MGA: variants seen among roughly 807,000 people sequenced by gnomAD.
MGA encodes MAX gene-associated protein.
Under a neutral mutation model 261.1 loss-of-function variants are expected in MGA, and 40 were observed. The observed-to-expected ratio is 0.15, with a 90% CI of 0.12 to 0.20. MGA has a LOEUF of 0.20. Ranked by LOEUF, MGA falls within the 10% of genes least tolerant of loss-of-function variation. The pLI is 1.00. For synonymous variants in MGA, 1,302 were observed against 1,290.6 expected (o/e 1.01, Z -0.19); for missense variants, 3,397 against 3,630.5 (o/e 0.94, Z 1.65).
At chr15:41,666,748 T>G (rs1364679896) in intron 1 of MGA, among the ~76,000 whole-genome samples, 4 of 152,262 alleles carry the variant, frequency 2.6e-5, no homozygotes, top group Non-Finnish European at 5.9e-5. Flanking sequence ...TGTCATCATT[T>G]GTTTTACCAT....
chr15:41,703,867 G>C (rs796587897), intron 5 of MGA, among the ~76,000 whole-genome samples: 9 of 152,364 alleles, frequency 5.9e-5, no homozygotes, highest in African/African-American at 2.2e-4. Context: ...CTATAGTGCA[G>C]TGATGTGAAC....
chr15:41,631,912 G>GT (rs772270437), intron 1 of MGA, among the ~76,000 whole-genome samples: 10 of 151,774 alleles, frequency 6.6e-5, no homozygotes, highest in Non-Finnish European at 1.0e-4. Context: ...GGCAAGTGTT[G>GT]TTTTTTTAGC....
In MGA at chr15:41,696,601, A is replaced by C. The variant is rs1268486571; in HGVS notation, c.1591A>C (p.Arg531=). Reference sequence around the variant, plus strand: ...AGGCAAGGAATCAGAAAATGGTCTTAGAAAACATTCACCAGATCTCAGAGT... The same window carrying C: ...AGGCAAGGAATCAGAAAATGGTCTTCGAAAACATTCACCAGATCTCAGAGT... The change falls in exon 3 of 24, where the codon AGA becomes CGA. Residue 531 remains arginine, a synonymous_variant. Coordinates refer to ENST00000219905, the MANE Select transcript of MGA (RefSeq NM_001164273.2). 1.2e-6 allele frequency: 2 copies of C among 1,613,952 alleles called. No individual in the cohort carries two copies. The highest frequency in any genetic ancestry group is 2.2e-5 in the South Asian group (2 of 91,080).
intron 9 of MGA, among the ~76,000 whole-genome samples, chr15:41,720,527 G>A (rs143580192): frequency 1.3e-5 from 2 of 151,916 alleles, no homozygotes; most frequent in African/African-American, 4.8e-5. Flanking sequence ...AGAGTGAGAT[G>A]TTGTCTCAAA....
Position 41,625,796 on chromosome 15 carries a change from T to G in MGA, c.-68+4498T>G, listed in dbSNP as rs549449718. Among the ~76,000 whole-genome samples the G allele has an allele frequency of 2.0e-5, 3 of 152,276 alleles. No homozygotes were observed. In the East Asian group the frequency reaches 5.8e-4, roughly 29 times the overall value. On this transcript the variant is annotated intron_variant, in intron 1 of 8. Coordinates refer to the MGA transcript ENST00000566718. ...TTGTACCTGGTAAACATGATATAGA[T>G]CTCTATTAATGACTTGGAAAGCATG...
At chr15:41,636,862 A>G (rs1312795468) in intron 1 of MGA, among the ~76,000 whole-genome samples, 3 of 152,040 alleles carry the variant, frequency 2.0e-5, no homozygotes, top group African/African-American at 4.8e-5. Context: ...GTGGTGTTTT[A>G]TATCAGGGAT....
chr15:41,672,303 A>G lies in MGA; in HGVS notation c.1064+2345A>G, dbSNP rs1351997623. ...TGAATAGCTGGGACTACAGGCATGC[A>G]CCACCATCCCTGGCTAATTTTTTGT... On this transcript the variant is annotated intron_variant, in intron 2 of 23. Transcript: ENST00000219905. Among the ~76,000 whole-genome samples the G allele has an allele frequency of 2.0e-5, 3 of 152,214 alleles. No homozygotes were observed. In the East Asian group the frequency reaches 5.8e-4, roughly 29 times the overall value.
chr15:41,709,415 G>A (rs887752042), intron 7 of MGA, among the ~76,000 whole-genome samples: 2 of 152,006 alleles, frequency 1.3e-5, no homozygotes, highest in African/African-American at 2.4e-5. Context: ...TTTCTCTAAT[G>A]TTTTGTATCA....
chr15:41,729,366 A>T lies in MGA; in HGVS notation c.3843+17A>T. 3 of 1,593,898 alleles carry T rather than the reference A, an allele frequency of 1.9e-6. No individual in the cohort carries two copies. Among genetic ancestry groups the T allele is most frequent in the Non-Finnish European group, 2.6e-6 (3 of 1,171,004 alleles). On this transcript the variant is annotated intron_variant, in intron 11 of 23. Coordinates refer to ENST00000219905, the MANE Select transcript of MGA (RefSeq NM_001164273.2). The stretch of plus-strand genomic sequence containing the variant: ...AATGCAAAGGTGAGTTTCTTGTTGC[A>T]TAAGTTCTTTTTAACTTCTGATTAC...
chr15:41,649,652 T>A (rs189372435), intron 1 of MGA, among the ~76,000 whole-genome samples: 1 of 152,206 alleles, frequency 6.6e-6, no homozygotes, highest in Non-Finnish European at 1.5e-5. Flanking sequence ...AGTCTTATTG[T>A]CATCTTCCAC....
At chr15:41,680,152 AC>A (rs1369034708) in intron 2 of MGA, among the ~76,000 whole-genome samples, 1 of 151,810 alleles carries the variant, frequency 6.6e-6, no homozygotes, top group Non-Finnish European at 1.5e-5. Context: ...ACTGTATTCC[AC>A]CTCTGTGGTA....
intron 18 of MGA, among the ~76,000 whole-genome samples, chr15:41,755,650 G>A (rs2063107240): frequency 1.3e-5 from 2 of 152,302 alleles, no homozygotes; most frequent in South Asian, 4.1e-4. Flanking sequence ...ACATGTTAAT[G>A]GATTGCAATA....
At position 41,768,334 on chromosome 15, in the gene MGA, C is replaced by T. The variant is rs2063900408; in HGVS notation, c.*1054C>T. 1 of 152,604 alleles carries T rather than the reference C, an allele frequency of 6.6e-6. No individual in the cohort carries two copies. Among genetic ancestry groups the T allele is most frequent in the Non-Finnish European group, 1.5e-5 (1 of 68,034 alleles). 9.5% of individuals were successfully genotyped at this position (152,604 alleles called of 1,614,324 possible). A position where few individuals can be genotyped will look rare whatever the true frequency, so the allele number is the denominator to read the frequency against. On this transcript the variant is annotated 3_prime_UTR_variant, in exon 24 of 24. Coordinates refer to ENST00000219905, the MANE Select transcript of MGA (RefSeq NM_001164273.2). ...ACCATGGATCCAATGATCTGTAGAG[C>T]TTTTTCACTCATTAACTGTCAGGAT...
intron 1 of MGA, among the ~76,000 whole-genome samples, chr15:41,626,018 G>A (rs1200082292): frequency 1.3e-5 from 2 of 152,006 alleles, no homozygotes; most frequent in Non-Finnish European, 1.5e-5. Flanking sequence ...TATTTTATTA[G>A]TTTTTAATCT....
intron 13 of MGA, among the ~76,000 whole-genome samples, chr15:41,738,570 C>G (rs1035355080): frequency 6.6e-6 from 1 of 152,098 alleles, no homozygotes; most frequent in Non-Finnish European, 1.5e-5. Context: ...CAGAGGTTTG[C>G]CTGATACAAT....
Position 41,761,864 on chromosome 15 carries a change from A to C in MGA, c.7510+14A>C, listed in dbSNP as rs765932614. On this transcript the variant is annotated intron_variant, in intron 21 of 23. Transcript: ENST00000219905. ...CGTCTCTTTCAGGTGAGATAAGTAAATAATCTCTGGTAAAGAGCATAATTA... is the reference window on the plus strand; with the variant it reads ...CGTCTCTTTCAGGTGAGATAAGTAACTAATCTCTGGTAAAGAGCATAATTA... 1 of 1,485,984 alleles carries C rather than the reference A, an allele frequency of 6.7e-7. No homozygotes were observed. Among genetic ancestry groups the C allele is most frequent in the Non-Finnish European group, 9.2e-7 (1 of 1,085,202 alleles). The allele number at this position is 1,485,984 out of a possible 1,614,324, so 92.0% of individuals were successfully genotyped here.
intron 5 of MGA, among the ~76,000 whole-genome samples, chr15:41,706,997 A>T (rs1402839002): frequency 6.6e-6 from 1 of 152,178 alleles, no homozygotes; most frequent in Non-Finnish European, 1.5e-5. Flanking sequence ...TTTAGGCTTG[A>T]TTAACCATAA....
chr15:41,694,273 G>T (rs992806359), intron 2 of MGA, among the ~76,000 whole-genome samples: 1 of 151,810 alleles, frequency 6.6e-6, no homozygotes, highest in Non-Finnish European at 1.5e-5. Flanking sequence ...AAAATTAGCC[G>T]GGCGTGTTGG....
chr15:41,749,088 T>C (rs1201506975), intron 16 of MGA, 23 bp from the exon 17 acceptor site: 1 of 1,586,804 alleles, frequency 6.3e-7, no homozygotes, highest in African/African-American at 1.4e-5. Context: ...ATTTAAAAAT[T>C]TCTCTCTTAT....
Sources: allele counts gnomAD v4.1 joint callset (sites outside exome capture counted in the v4.1 genomes callset), GRCh38; gene constraint gnomAD v4.1.1; transcripts MANE v1.5; gene names NCBI Gene and HGNC (gene_info 2026-07-23, HGNC 2026-07-21).